Variants in COP1 observed in about 807,000 individuals in gnomAD.
COP1 encodes the protein COP1 E3 ubiquitin ligase.
In COP1, 24 loss-of-function variants were observed where a neutral mutation model predicts 101.3. The ratio of observed to expected loss-of-function variants is 0.24; its 90% CI spans 0.17 to 0.33. The LOEUF (loss-of-function observed/expected upper bound fraction) is 0.33. Ranked by LOEUF, COP1 falls within the 10% of genes least tolerant of loss-of-function variation. COP1 has a pLI of 1.00. For synonymous variants in COP1, 347 were observed against 341.9 expected, an observed-to-expected ratio of 1.01 and a Z score of -0.17; for missense variants, 663 against 906.2, an observed-to-expected ratio of 0.73 and a Z score of 3.45.
intron 9 of COP1, among the ~76,000 whole-genome samples, chr1:176,108,023 C>T (rs1421936747): frequency 1.3e-5 from 1 of 75,996 alleles, no homozygotes; most frequent in Non-Finnish European, 2.9e-5. Flanking sequence ...CAGAATTGGT[C>T]CTGGACCAGA....
At chr1:175,999,690 A>G (rs985891371) in intron 15 of COP1, among the ~76,000 whole-genome samples, 20 of 152,080 alleles carry the variant, frequency 1.3e-4, no homozygotes, top group African/African-American at 4.6e-4. Context: ...CTCCAAACCA[A>G]TCTTCATAGT....
intron 3 of COP1, among the ~76,000 whole-genome samples, chr1:176,166,554 T>C (rs1179219699): frequency 6.6e-6 from 1 of 152,250 alleles, no homozygotes; most frequent in East Asian, 1.9e-4. Flanking sequence ...GACATTTAAA[T>C]TCTACATTTA....
chr1:176,101,152 C>T (rs1167882743), intron 9 of COP1, among the ~76,000 whole-genome samples: 7 of 152,202 alleles, frequency 4.6e-5, no homozygotes, highest in African/African-American at 1.4e-4. Context: ...TGTAGCATGC[C>T]CCCCACCATC....
At chr1:176,108,379 C>T (rs2149542741) in intron 9 of COP1, among the ~76,000 whole-genome samples, 1 of 152,118 alleles carries the variant, frequency 6.6e-6, no homozygotes, top group South Asian at 2.1e-4. Flanking sequence ...TTTATTTTTC[C>T]AGAATTTTTG....
chr1:175,948,752 TAGTC>T (rs1649484688), intron 18 of COP1, among the ~76,000 whole-genome samples: 1 of 152,186 alleles, frequency 6.6e-6, no homozygotes, highest in Non-Finnish European at 1.5e-5. Flanking sequence ...TCTTTGGAAT[TAGTC>T]AGCAGCATCA....
At chr1:176,136,207 G>A (rs1689762459) in intron 7 of COP1, among the ~76,000 whole-genome samples, 1 of 152,018 alleles carries the variant, frequency 6.6e-6, no homozygotes, top group Non-Finnish European at 1.5e-5. Context: ...ACAGTTTTAA[G>A]TTATGATGGC....
intron 1 of COP1, among the ~76,000 whole-genome samples, chr1:176,188,183 G>C (rs1157055782): frequency 1.3e-5 from 2 of 151,878 alleles, no homozygotes; most frequent in Non-Finnish European, 2.9e-5. Context: ...ATGGCATTTT[G>C]TTATAGCAGC....
intron 9 of COP1, among the ~76,000 whole-genome samples, chr1:176,093,629 G>A (rs977095418): frequency 2.6e-5 from 4 of 152,102 alleles, no homozygotes; most frequent in Non-Finnish European, 4.4e-5. Context: ...CACGAGGTCA[G>A]GAGATCAAGA....
intron 2 of COP1, among the ~76,000 whole-genome samples, chr1:176,177,229 T>TA (rs1697083011): frequency 6.6e-6 from 1 of 151,968 alleles, no homozygotes. Flanking sequence ...TTTCTTACAT[T>TA]ATATATTTCT....
intron 15 of COP1, among the ~76,000 whole-genome samples, chr1:176,000,454 A>T (rs1661328149): frequency 6.6e-6 from 1 of 152,044 alleles, no homozygotes; most frequent in Admixed American, 6.6e-5. Flanking sequence ...AATTGTTTAC[A>T]CTAGTATCAC....
intron 3 of COP1, among the ~76,000 whole-genome samples, chr1:176,173,279 C>A (rs182171077): frequency 7.2e-4 from 104 of 145,048 alleles, no homozygotes; most frequent in African/African-American, 2.6e-3. Flanking sequence ...CCATTGCACT[C>A]CAGCCTGGGT....
At chr1:175,968,857 A>G (rs1009426796) in intron 18 of COP1, among the ~76,000 whole-genome samples, 2 of 152,228 alleles carry the variant, frequency 1.3e-5, no homozygotes, top group African/African-American at 2.4e-5. Context: ...ACTGCACTCA[A>G]ATATTCTCTC....
intron 11 of COP1, among the ~76,000 whole-genome samples, chr1:176,068,074 T>C (rs1162795618): frequency 6.6e-6 from 1 of 152,178 alleles, no homozygotes; most frequent in African/African-American, 2.4e-5. Context: ...CATGTGCGGG[T>C]ACAGGAGGTA....
intron 14 of COP1, among the ~76,000 whole-genome samples, chr1:176,032,823 TAG>T (rs1557964801): frequency 6.6e-6 from 1 of 151,868 alleles, no homozygotes; most frequent in Non-Finnish European, 1.5e-5. Flanking sequence ...ATAAGAACAC[TAG>T]CAGGCAGAGA....
intron 8 of COP1, among the ~76,000 whole-genome samples, 158 bp from the exon 9 acceptor site, chr1:176,116,839 A>C (rs1686269543): frequency 6.6e-6 from 1 of 152,230 alleles, no homozygotes; most frequent in African/African-American, 2.4e-5. Flanking sequence ...TAGACAACCC[A>C]TAAAATATCA....
intron 15 of COP1, among the ~76,000 whole-genome samples, chr1:176,019,358 G>A (rs1446672362): frequency 6.7e-6 from 1 of 150,030 alleles, no homozygotes; most frequent in African/African-American, 2.5e-5. Flanking sequence ...AGCTACTCAG[G>A]AGGCTGAGGC....
rs1684301502 is a variant in COP1, at chr1:176,106,354, CA to C, written c.1026+10269del. Among the ~76,000 whole-genome samples, 15 of 152,242 alleles carry C rather than the reference CA, an allele frequency of 9.9e-5. No individual in the cohort carries two copies. In the South Asian group the frequency reaches 3.1e-3, roughly 32 times the overall value. On this transcript the variant is annotated intron_variant, in intron 9 of 19. Transcript: ENST00000367669. ...CCAATTTACAGGTTACAGCTTAAAA[CA>C]AAGACCATAACAGCCCTTTCCCCAA...
chr1:176,089,631 T>TA (rs1301021630), intron 9 of COP1, among the ~76,000 whole-genome samples: 4 of 152,094 alleles, frequency 2.6e-5, no homozygotes, highest in Non-Finnish European at 5.9e-5. Flanking sequence ...TGGGAGGAGG[T>TA]AAGAGTCATA....
chr1:175,990,674 T>C (rs749535678), intron 15 of COP1, among the ~76,000 whole-genome samples: 5 of 152,216 alleles, frequency 3.3e-5, no homozygotes, highest in African/African-American at 4.8e-5. Flanking sequence ...TTGAGGTGTG[T>C]TGATAATTGA....
Sources: gnomAD v4.1 joint callset for allele counts (sites outside exome capture counted in the v4.1 genomes callset) on GRCh38, gnomAD v4.1.1 for gene constraint, MANE v1.5 for transcripts, NCBI Gene and HGNC (gene_info 2026-07-23, HGNC 2026-07-21) for gene names.